The following SYCP1 variants were observed in gnomAD, a reference collection of about 807,000 sequenced individuals.
SYCP1 encodes the protein synaptonemal complex protein 1.
SYCP1 carries 64 observed loss-of-function variants against 153.1 expected under a neutral mutation model. The observed-to-expected ratio is 0.42, with a 90% CI of 0.34 to 0.51. The LOEUF (loss-of-function observed/expected upper bound fraction) is 0.51. Among genes scored for constraint, SYCP1 ranks in the 20% least tolerant of loss-of-function variants. The pLI is 0.06. For synonymous variants in SYCP1, 384 were observed against 341.8 expected, an observed-to-expected ratio of 1.12 and a Z score of -1.36; for missense variants, 997 against 1,049.0, an observed-to-expected ratio of 0.95 and a Z score of 0.68.
chr1:114,904,241 C>T (rs536656192), intron 16 of SYCP1, among the ~76,000 whole-genome samples: 1 of 151,976 alleles, frequency 6.6e-6, no homozygotes, highest in African/African-American at 2.4e-5. Context: ...CTCAGCCTCC[C>T]GAGTAGCTGG....
chr1:114,887,715 G>A (rs200133630), intron 15 of SYCP1, 22 bp downstream of exon 15: 7 of 1,408,766 alleles, frequency 5.0e-6, no homozygotes, highest in African/African-American at 2.9e-5. Context: ...AGAATAATGT[G>A]TGTACTTTAA....
intron 17 of SYCP1, 94 bp downstream of exon 17, chr1:114,910,595 C>A (rs1668112158): frequency 1.2e-6 from 1 of 801,772 alleles, no homozygotes; most frequent in South Asian, 2.8e-5. Flanking sequence ...TTAAAGATTT[C>A]TTCACAAAAT....
At chr1:114,949,932 T>C (rs1670983232) in intron 27 of SYCP1, among the ~76,000 whole-genome samples, 1 of 152,166 alleles carries the variant, frequency 6.6e-6, no homozygotes, top group South Asian at 2.1e-4. Context: ...TATGAAAAAA[T>C]ATATAAACAC....
At chr1:114,857,160 G>GTT in intron 3 of SYCP1, 72 bp from the exon 4 acceptor site, 5 of 592,952 alleles carry the variant, frequency 8.4e-6, no homozygotes, top group Non-Finnish European at 1.2e-5. Context: ...AAAAAAAAGA[G>GTT]AAAAAAGAAA....
At chr1:114,984,180 C>G (rs1248370334) in intron 29 of SYCP1, among the ~76,000 whole-genome samples, 3 of 152,088 alleles carry the variant, frequency 2.0e-5, no homozygotes, top group Non-Finnish European at 4.4e-5. Flanking sequence ...GCTGGGATTA[C>G]AGGCATAAGC....
intron 8 of SYCP1, among the ~76,000 whole-genome samples, chr1:114,867,969 G>A (rs1386120635): frequency 6.6e-6 from 1 of 151,568 alleles, no homozygotes; most frequent in Non-Finnish European, 1.5e-5. Context: ...ATCATGAGTG[G>A]GTGTTGGATT....
rs567888853 is a variant in SYCP1, at chr1:114,896,424, A to T, written c.1320+915A>T. Among the ~76,000 whole-genome samples the T allele has an allele frequency of 5.3e-5, 8 of 152,312 alleles. No homozygotes were observed. In the South Asian group the frequency reaches 1.2e-3, roughly 24 times the overall value. On this transcript the variant is annotated intron_variant, in intron 16 of 31. Coordinates refer to ENST00000369522, the MANE Select transcript of SYCP1 (RefSeq NM_003176.4). ...TCAGTGCTTTATGAAACCTCTCTTGATACTCTAGGCTAGGTTTAGGTCTTT... is the reference window on the plus strand; with the variant it reads ...TCAGTGCTTTATGAAACCTCTCTTGTTACTCTAGGCTAGGTTTAGGTCTTT...
At chr1:114,957,485 C>G (rs1290996487) in intron 27 of SYCP1, among the ~76,000 whole-genome samples, 1 of 152,154 alleles carries the variant, frequency 6.6e-6, no homozygotes, top group Non-Finnish European at 1.5e-5. Flanking sequence ...GCAAAGGAAA[C>G]AGCAAAGTGA....
intron 6 of SYCP1, among the ~76,000 whole-genome samples, chr1:114,859,182 G>A (rs934709399): frequency 2.0e-5 from 3 of 152,138 alleles, no homozygotes; most frequent in Non-Finnish European, 4.4e-5. Context: ...TCGCCTCCCT[G>A]GTTCAAGCGA....
chr1:114,878,894 A>C (rs1665724051), intron 12 of SYCP1, among the ~76,000 whole-genome samples: 3 of 152,188 alleles, frequency 2.0e-5, no homozygotes, highest in Non-Finnish European at 2.9e-5. Flanking sequence ...GGAGAGAGTT[A>C]CTAATTTTTC....
chr1:114,945,089 T>C, intron 25 of SYCP1, 107 bp downstream of exon 25: 1 of 817,004 alleles, frequency 1.2e-6, no homozygotes, highest in Non-Finnish European at 1.9e-6. Context: ...AAGATTATTG[T>C]CTATGCAACA....
At chr1:114,970,957 G>A (rs1180601969) in intron 27 of SYCP1, among the ~76,000 whole-genome samples, 3 of 152,164 alleles carry the variant, frequency 2.0e-5, no homozygotes, top group Admixed American at 6.6e-5. Context: ...TGTTACAGCC[G>A]GTGGAATTAG....
chr1:114,945,418 T>A (rs1046081846), intron 25 of SYCP1, among the ~76,000 whole-genome samples: 1 of 152,014 alleles, frequency 6.6e-6, no homozygotes, highest in Admixed American at 6.6e-5. Context: ...TTTTTAATTG[T>A]TGTTTTAGAG....
chr1:114,871,280 G>A (rs1665102412), intron 8 of SYCP1, among the ~76,000 whole-genome samples: 1 of 151,480 alleles, frequency 6.6e-6, no homozygotes, highest in African/African-American at 2.4e-5. Flanking sequence ...TGATTCTCGT[G>A]CTTCAGCCTC....
chr1:114,978,712 A>C (rs1336937086), intron 28 of SYCP1, among the ~76,000 whole-genome samples: 1 of 151,676 alleles, frequency 6.6e-6, no homozygotes, highest in Non-Finnish European at 1.5e-5. Flanking sequence ...ATATTTTATT[A>C]CACTTGAGTT....
intron 27 of SYCP1, among the ~76,000 whole-genome samples, chr1:114,973,620 C>T (rs998921916): frequency 1.3e-5 from 2 of 151,940 alleles, no homozygotes; most frequent in East Asian, 3.9e-4. Flanking sequence ...ACTAGTATTA[C>T]CGATTATAGC....
intron 23 of SYCP1, among the ~76,000 whole-genome samples, chr1:114,941,367 TTA>T (rs1460340094): frequency 6.6e-6 from 1 of 152,186 alleles, no homozygotes; most frequent in East Asian, 1.9e-4. Context: ...GAGCAAGTTT[TTA>T]TGTTATTATT....
chr1:114,992,678 A>G (rs1005769946), intron 30 of SYCP1, among the ~76,000 whole-genome samples: 3 of 151,678 alleles, frequency 2.0e-5, no homozygotes, highest in Non-Finnish European at 3.0e-5. Flanking sequence ...AAAACTATAA[A>G]ACTATAGACG....
intron 21 of SYCP1, 57 bp downstream of exon 21, chr1:114,923,587 C>A: frequency 6.9e-7 from 1 of 1,447,200 alleles, no homozygotes; most frequent in Admixed American, 2.3e-5. Flanking sequence ...AAAAGCAACA[C>A]CATATGTCTA....
Sources: gnomAD v4.1 joint callset for allele counts (sites outside exome capture counted in the v4.1 genomes callset) on GRCh38, gnomAD v4.1.1 for gene constraint, MANE v1.5 for transcripts, NCBI Gene and HGNC (gene_info 2026-07-23, HGNC 2026-07-21) for gene names.